ATRNL1: variants seen among roughly 807,000 people sequenced by gnomAD.
ATRNL1 encodes the protein attractin-like protein 1.
ATRNL1 carries 95 observed loss-of-function variants against 182.7 expected under a neutral mutation model. That is an observed-to-expected ratio of 0.52 (90% CI 0.44 to 0.62). ATRNL1 has a LOEUF of 0.62. Ranked by LOEUF, ATRNL1 falls within the 20% of genes least tolerant of loss-of-function variation. ATRNL1 has a pLI of 0.00. For synonymous variants in ATRNL1, 576 were observed against 568.3 expected, an observed-to-expected ratio of 1.01 and a Z score of -0.19; for missense variants, 1,471 against 1,679.5, an observed-to-expected ratio of 0.88 and a Z score of 2.17.
chr10:115,103,284 C>T (rs994602100), intron 1 of ATRNL1, among the ~76,000 whole-genome samples: 1 of 152,108 alleles, frequency 6.6e-6, no homozygotes, highest in Non-Finnish European at 1.5e-5. Flanking sequence ...GGCAATCCGC[C>T]TGCCTCAGCC....
intron 24 of ATRNL1, among the ~76,000 whole-genome samples, chr10:115,498,979 T>C (rs1197417587): frequency 6.6e-6 from 1 of 152,140 alleles, no homozygotes; most frequent in African/African-American, 2.4e-5. Context: ...TAACACAGTA[T>C]GCAGAAAAAG....
At chr10:115,513,963 T>A (rs73373308) in intron 24 of ATRNL1, among the ~76,000 whole-genome samples, 4,218 of 152,042 alleles carry the variant, frequency 0.028, 228 homozygotes, top group African/African-American at 0.098. Context: ...TTAACAGATT[T>A]GTTACTCTGA....
intron 28 of ATRNL1, among the ~76,000 whole-genome samples, chr10:115,856,121 T>C (rs528453430): frequency 6.6e-6 from 1 of 152,194 alleles, no homozygotes; most frequent in African/African-American, 2.4e-5. Context: ...ATTGTTGGTG[T>C]AGTCATTAAA....
At chr10:115,660,390 G>T (rs1860607933) in intron 26 of ATRNL1, among the ~76,000 whole-genome samples, 1 of 152,122 alleles carries the variant, frequency 6.6e-6, no homozygotes, top group South Asian at 2.1e-4. Flanking sequence ...GGCAGCAATA[G>T]ATAAATCTAA....
chr10:115,736,641 C>T (rs1223498303), intron 27 of ATRNL1, among the ~76,000 whole-genome samples: 2 of 152,050 alleles, frequency 1.3e-5, no homozygotes, highest in Non-Finnish European at 2.9e-5. Context: ...TGCTAGTGAC[C>T]CAAAGAATGC....
At chr10:115,829,340 T>A (rs992168337) in intron 27 of ATRNL1, among the ~76,000 whole-genome samples, 1 of 151,310 alleles carries the variant, frequency 6.6e-6, no homozygotes, top group Admixed American at 6.6e-5. Flanking sequence ...TGGGTTGGAG[T>A]TTTTATAGGG....
At chr10:115,278,950 C>T (rs1852226544) in intron 13 of ATRNL1, among the ~76,000 whole-genome samples, 1 of 152,044 alleles carries the variant, frequency 6.6e-6, no homozygotes, top group East Asian at 1.9e-4. Flanking sequence ...CACCTGTAAT[C>T]CCAGCACTTT....
At chr10:115,772,332 C>T (rs1280610472) in intron 27 of ATRNL1, among the ~76,000 whole-genome samples, 1 of 152,050 alleles carries the variant, frequency 6.6e-6, no homozygotes, top group African/African-American at 2.4e-5. Flanking sequence ...ACAAAATTCT[C>T]GATTACCAAG....
intron 19 of ATRNL1, among the ~76,000 whole-genome samples, chr10:115,358,937 C>T (rs976405948): frequency 1.3e-5 from 2 of 151,512 alleles, no homozygotes; most frequent in African/African-American, 2.4e-5. Flanking sequence ...ATTCAGTTTC[C>T]AAGACTTCCA....
chr10:115,509,088 C>T (rs888944426), intron 24 of ATRNL1, among the ~76,000 whole-genome samples: 4 of 151,986 alleles, frequency 2.6e-5, no homozygotes, highest in Non-Finnish European at 1.5e-5. Context: ...TTATGCTAAA[C>T]ATGTTCTGCC....
chr10:115,783,309 G>A (rs949023973), intron 27 of ATRNL1, among the ~76,000 whole-genome samples: 10 of 151,976 alleles, frequency 6.6e-5, no homozygotes, highest in Admixed American at 3.3e-4. Flanking sequence ...TGCTTTTAAT[G>A]TTCTAAATTA....
At chr10:115,422,931 C>T (rs1414293116) in intron 20 of ATRNL1, among the ~76,000 whole-genome samples, 1 of 152,166 alleles carries the variant, frequency 6.6e-6, no homozygotes. Flanking sequence ...ATGCTTATTA[C>T]CTGGGTGGTG....
At chr10:115,478,894 C>T (rs1014080953) in intron 24 of ATRNL1, among the ~76,000 whole-genome samples, 1 of 151,524 alleles carries the variant, frequency 6.6e-6, no homozygotes, top group South Asian at 2.1e-4. Context: ...CCTACTATCT[C>T]CTGTCCTTTC....
rs982291048 is a variant in ATRNL1, at chr10:115,093,803, G to A, written c.53G>A (p.Gly18Glu). The A allele has an allele frequency of 6.8e-7, 1 of 1,472,020 alleles. No homozygotes were observed. The highest frequency in any genetic ancestry group is 9.0e-7 in the Non-Finnish European group (1 of 1,114,312). 91.2% of individuals were successfully genotyped at this position (1,472,020 alleles called of 1,614,324 possible). A position where few individuals can be genotyped will look rare whatever the true frequency, so the allele number is the denominator to read the frequency against. Residue 18 changes from glycine (G) to glutamate (E), a missense_variant, in exon 1 of 29, where the codon GGG (glycine) becomes GAG (glutamate). By Grantham distance (98) the Gly-to-Glu change is moderately conservative (BLOSUM62 -2). This residue lies in a region of ATRNL1 where 1,031 missense variants were observed against 1,156.0 expected (regional missense o/e 0.89). Coordinates refer to ENST00000355044, the MANE Select transcript of ATRNL1 (RefSeq NM_207303.4). The surrounding 1 kb of genome is among the most constrained non-coding windows in gnomAD (Gnocchi z 6.1). ...GGTACCCCGCAGCCAGCGGCCCCGG[G>A]GGTGTGGAGGGCTCGGCCGGCGGGC... ...RTGTPQPAAP[G>E]VWRARPAGGG...
At chr10:115,437,056 A>G (rs999032545) in intron 21 of ATRNL1, among the ~76,000 whole-genome samples, 1 of 152,008 alleles carries the variant, frequency 6.6e-6, no homozygotes, top group Non-Finnish European at 1.5e-5. Flanking sequence ...TAAGGGAATG[A>G]TTGAGCTTTG....
chr10:115,298,695 T>C (rs535572534), intron 15 of ATRNL1, among the ~76,000 whole-genome samples: 14 of 152,244 alleles, frequency 9.2e-5, no homozygotes, highest in African/African-American at 3.1e-4. Context: ...GTTTTTATAA[T>C]TAGAAGCATT....
chr10:115,542,854 G>A (rs1852437424), intron 25 of ATRNL1, among the ~76,000 whole-genome samples: 1 of 152,154 alleles, frequency 6.6e-6, no homozygotes, highest in African/African-American at 2.4e-5. Context: ...TTCACACTGT[G>A]TACTCACATG....
intron 24 of ATRNL1, among the ~76,000 whole-genome samples, chr10:115,484,169 A>G (rs1848907231): frequency 6.6e-6 from 1 of 151,166 alleles, no homozygotes; most frequent in Non-Finnish European, 1.5e-5. Flanking sequence ...CATATCTTTT[A>G]AAATTCTAAA....
chr10:115,105,719 G>T (rs1330238141), intron 1 of ATRNL1, among the ~76,000 whole-genome samples: 3 of 152,228 alleles, frequency 2.0e-5, no homozygotes, highest in African/African-American at 7.2e-5. Context: ...TTCAGAGGGT[G>T]CAAGCTCCAA....
Sources: gnomAD v4.1 joint callset for allele counts (sites outside exome capture counted in the v4.1 genomes callset) on GRCh38, gnomAD v4.1.1 for gene constraint, gnomAD v4.1.1 regional missense constraint, Gnocchi (gnomAD v3.1) non-coding constraint, MANE v1.5 for transcripts, NCBI Gene and HGNC (gene_info 2026-07-23, HGNC 2026-07-21) for gene names.